TP63: variants seen among roughly 807,000 people sequenced by gnomAD.
TP63 encodes the protein tumor protein 63.
TP63 carries 17 observed loss-of-function variants against 82.8 expected under a neutral mutation model. That is an observed-to-expected ratio of 0.21 (90% CI 0.14 to 0.31). The LOEUF (loss-of-function observed/expected upper bound fraction) is 0.31. Among genes scored for constraint, TP63 ranks in the 10% least tolerant of loss-of-function variants. The probability of loss-of-function intolerance (pLI) is 1.00; values close to 1 mark genes in which losing one functional copy is unlikely to be tolerated. For synonymous variants in TP63, 330 were observed against 321.7 expected, an observed-to-expected ratio of 1.03 and a Z score of -0.28; for missense variants, 648 against 895.3, an observed-to-expected ratio of 0.72 and a Z score of 3.52.
chr3:189,745,847 G>GT (rs909533284), intron 3 of TP63, among the ~76,000 whole-genome samples: 3 of 150,602 alleles, frequency 2.0e-5, no homozygotes, highest in African/African-American at 7.3e-5. Flanking sequence ...TTGAAGACAG[G>GT]TTTTTAAAAA....
At chr3:189,787,699 G>A (rs936135630) in intron 3 of TP63, among the ~76,000 whole-genome samples, 5 of 151,988 alleles carry the variant, frequency 3.3e-5, no homozygotes, top group African/African-American at 1.2e-4. Flanking sequence ...CTTAGATTTA[G>A]GTGTTCAAAT....
intron 11 of TP63, 125 bp from the exon 12 acceptor site, chr3:189,889,215 G>A (rs1013737494): frequency 9.3e-6 from 13 of 1,396,830 alleles, no homozygotes; most frequent in South Asian, 7.3e-5. Flanking sequence ...TAGTGAGAGC[G>A]AAGATTAAAA....
intron 3 of TP63, among the ~76,000 whole-genome samples, chr3:189,790,182 GATGGGTATT>G (rs1724992241): frequency 6.6e-6 from 1 of 152,046 alleles, no homozygotes; most frequent in Non-Finnish European, 1.5e-5. Flanking sequence ...TGAATCCTCT[GATGGGTATT>G]CATGTACCAG....
At chr3:189,637,818 T>C (rs545043136) in intron 1 of TP63, among the ~76,000 whole-genome samples, 22 of 152,228 alleles carry the variant, frequency 1.4e-4, no homozygotes, top group African/African-American at 5.3e-4. Flanking sequence ...AGGTTGTAGA[T>C]GGAATTAAGG....
At chr3:189,845,349 C>T (rs759891084) in intron 4 of TP63, among the ~76,000 whole-genome samples, 3 of 152,086 alleles carry the variant, frequency 2.0e-5, no homozygotes, top group Non-Finnish European at 4.4e-5. Flanking sequence ...TGGTAAACTG[C>T]GACCTTAAAC....
At chr3:189,755,515 A>G (rs1377897983) in intron 3 of TP63, among the ~76,000 whole-genome samples, 1 of 152,152 alleles carries the variant, frequency 6.6e-6, no homozygotes, top group Non-Finnish European at 1.5e-5. Flanking sequence ...TTTATTTACT[A>G]ATCTTCAAAA....
In TP63 at chr3:189,802,856, A is replaced by T. The variant is rs138344265; in HGVS notation, c.325-5416A>T. ...GGTTGAATCGAGATAAGTTATGATT[A>T]TATATCCCAACAGTAATCTCTTCTA... On this transcript the variant is annotated intron_variant, in intron 3 of 13. Coordinates refer to ENST00000264731, the MANE Select transcript of TP63 (RefSeq NM_003722.5). Among the ~76,000 whole-genome samples, 13 of 152,326 alleles carry T rather than the reference A, an allele frequency of 8.5e-5. No homozygotes were observed. The East Asian group carries it at 2.5e-3, about 29-fold the overall frequency.
chr3:189,748,122 C>T (rs1721516063), intron 3 of TP63, among the ~76,000 whole-genome samples: 2 of 151,984 alleles, frequency 1.3e-5, no homozygotes, highest in Admixed American at 1.3e-4. Flanking sequence ...AAAAGCCTTT[C>T]CTCTAAGAAC....
chr3:189,662,333 T>TTA (rs1251863621), intron 1 of TP63, among the ~76,000 whole-genome samples: 1 of 152,102 alleles, frequency 6.6e-6, no homozygotes, highest in Non-Finnish European at 1.5e-5. Flanking sequence ...CCAGAAGTCA[T>TTA]TCAGTAGCAA....
intron 1 of TP63, among the ~76,000 whole-genome samples, chr3:189,702,681 T>C (rs1485632378): frequency 6.6e-6 from 1 of 152,198 alleles, no homozygotes; most frequent in Admixed American, 6.5e-5. Context: ...TACACTGTTT[T>C]TAAAAAGGTA....
intron 3 of TP63, among the ~76,000 whole-genome samples, chr3:189,796,543 CT>C (rs201902139): frequency 6.6e-6 from 1 of 151,704 alleles, no homozygotes; most frequent in Non-Finnish European, 1.5e-5. Flanking sequence ...ATTTCTTTCT[CT>C]TTTTTTTACC....
intron 1 of TP63, among the ~76,000 whole-genome samples, chr3:189,643,455 T>TAAAAAA (rs71635306): frequency 0.016 from 1,953 of 122,920 alleles, 52 homozygotes; most frequent in African/African-American, 0.051. Context: ...TTAAACTGAT[T>TAAAAAA]AAAAAAAAAA....
intron 1 of TP63, among the ~76,000 whole-genome samples, chr3:189,681,728 A>C (rs986837271): frequency 1.3e-5 from 2 of 152,102 alleles, no homozygotes; most frequent in African/African-American, 4.8e-5. Flanking sequence ...CTCTAAAAGT[A>C]AATATTTTCC....
At chr3:189,777,915 G>A (rs1209554410) in intron 3 of TP63, among the ~76,000 whole-genome samples, 2 of 135,236 alleles carry the variant, frequency 1.5e-5, no homozygotes, top group East Asian at 4.3e-4. Context: ...GAGTACAGTG[G>A]CTGGATCTCA....
chr3:189,711,728 ACT>A (rs900105890), intron 1 of TP63, among the ~76,000 whole-genome samples: 6 of 152,146 alleles, frequency 3.9e-5, no homozygotes, highest in African/African-American at 1.4e-4. Flanking sequence ...AGCCTACAGT[ACT>A]CTGACAATTT....
At chr3:189,633,772 A>G (rs1036493614) in intron 1 of TP63, among the ~76,000 whole-genome samples, 11 of 152,130 alleles carry the variant, frequency 7.2e-5, no homozygotes, top group African/African-American at 2.7e-4. Flanking sequence ...TTGTAATGCA[A>G]GCTTAACCAG....
chr3:189,781,146 G>A (rs17446303), intron 3 of TP63, among the ~76,000 whole-genome samples: 11,539 of 152,242 alleles, frequency 0.076, 592 homozygotes, highest in Admixed American at 0.12. Context: ...TCAAGGCCTT[G>A]TAGCAAGTCA....
At chr3:189,840,629 G>C (rs957297374) in intron 4 of TP63, among the ~76,000 whole-genome samples, 1 of 151,798 alleles carries the variant, frequency 6.6e-6, no homozygotes, top group African/African-American at 2.4e-5. Context: ...GGGAGGCTGA[G>C]GTGGGTGGAT....
At chr3:189,756,583 A>G (rs1722207077) in intron 3 of TP63, among the ~76,000 whole-genome samples, 1 of 152,194 alleles carries the variant, frequency 6.6e-6, no homozygotes, top group South Asian at 2.1e-4. Flanking sequence ...TTGACAGGTG[A>G]CAGTTCTTCC....
Sources: allele counts gnomAD v4.1 joint callset (sites outside exome capture counted in the v4.1 genomes callset), GRCh38; gene constraint gnomAD v4.1.1; transcripts MANE v1.5; gene names NCBI Gene and HGNC (gene_info 2026-07-23, HGNC 2026-07-21).